Variants in CFTR observed in about 807,000 individuals in gnomAD.
CFTR encodes the protein cystic fibrosis transmembrane conductance regulator.
In CFTR, 181 loss-of-function variants were observed where a neutral mutation model predicts 171.6. The observed-to-expected ratio is 1.05, with a 90% CI of 0.93 to 1.19. CFTR has a LOEUF of 1.19. CFTR is among the 50% of genes most tolerant of loss of function. The pLI is 0.00. For synonymous variants in CFTR, 583 were observed against 608.0 expected (o/e 0.96, Z 0.60); for missense variants, 1,968 against 1,734.7 (o/e 1.13, Z -2.39).
intron 1 of CFTR, among the ~76,000 whole-genome samples, chr7:117,485,790 A>T (rs1798065484): frequency 6.6e-6 from 1 of 152,102 alleles, no homozygotes; most frequent in African/African-American, 2.4e-5. Flanking sequence ...TTATCTTTTG[A>T]CATAAATTAT....
chr7:117,552,023 T>G (rs1428906281), intron 10 of CFTR, among the ~76,000 whole-genome samples: 3 of 152,208 alleles, frequency 2.0e-5, no homozygotes, highest in Non-Finnish European at 4.4e-5. Flanking sequence ...TTTATCAATA[T>G]TTTGGAATTT....
chr7:117,603,024 G>A (rs926040809), intron 16 of CFTR, among the ~76,000 whole-genome samples, 161 bp downstream of exon 16: 1 of 152,198 alleles, frequency 6.6e-6, no homozygotes, highest in Non-Finnish European at 1.5e-5. Context: ...ATGACCATTA[G>A]TTGGGTGAGG....
At chr7:117,600,346 G>T (rs1199376418) in intron 15 of CFTR, among the ~76,000 whole-genome samples, 2 of 152,002 alleles carry the variant, frequency 1.3e-5, no homozygotes, top group Non-Finnish European at 2.9e-5. Flanking sequence ...AGATGGAGAA[G>T]AAATGAAAAT....
intron 11 of CFTR, among the ~76,000 whole-genome samples, chr7:117,582,842 T>A (rs533423241): frequency 3.3e-5 from 5 of 152,318 alleles, no homozygotes; most frequent in African/African-American, 9.6e-5. Flanking sequence ...TGAAGAATGA[T>A]AAGACTAAAA....
At chr7:117,501,776 C>CAAAAAAAAAAAAAAAAAAAAAAGAAAA (rs796991857) in intron 1 of CFTR, among the ~76,000 whole-genome samples, 5 of 84,298 alleles carry the variant, frequency 5.9e-5, no homozygotes, top group Non-Finnish European at 1.4e-4. Context: ...AAAAAAGAAA[C>CAAAAAAAAAAAAAAAAAAAAAAGAAAA]AAAAAAAAAA....
intron 22 of CFTR, among the ~76,000 whole-genome samples, chr7:117,630,399 G>A (rs535350730): frequency 6.6e-6 from 1 of 152,140 alleles, no homozygotes; most frequent in African/African-American, 2.4e-5. Context: ...GAACTGAGCT[G>A]TGTATTTGAA....
chr7:117,531,635 C>T (rs371193544), intron 4 of CFTR, among the ~76,000 whole-genome samples: 1 of 152,166 alleles, frequency 6.6e-6, no homozygotes. Context: ...TGGAACAGCA[C>T]GTGCATTGAA....
intron 11 of CFTR, among the ~76,000 whole-genome samples, chr7:117,575,779 A>G (rs2115985282): frequency 6.6e-6 from 1 of 152,192 alleles, no homozygotes; most frequent in Non-Finnish European, 1.5e-5. Flanking sequence ...TTCCTTTTAT[A>G]CAAATATTTC....
intron 3 of CFTR, among the ~76,000 whole-genome samples, chr7:117,526,113 A>G (rs1249909461): frequency 6.6e-6 from 1 of 151,718 alleles, no homozygotes; most frequent in Non-Finnish European, 1.5e-5. Context: ...GCTTGTCTAT[A>G]AAGTATTTTA....
intron 21 of CFTR, among the ~76,000 whole-genome samples, chr7:117,625,469 C>T (rs1792637188): frequency 6.6e-6 from 1 of 152,052 alleles, no homozygotes; most frequent in South Asian, 2.1e-4. Context: ...TTTGAAAGTC[C>T]TTATTTTCTA....
At chr7:117,664,201 A>G (rs1422820644) in intron 24 of CFTR, among the ~76,000 whole-genome samples, 2 of 152,202 alleles carry the variant, frequency 1.3e-5, no homozygotes, top group African/African-American at 2.4e-5. Flanking sequence ...ACAGAGTAGA[A>G]GATGGGAGGT....
intron 23 of CFTR, among the ~76,000 whole-genome samples, chr7:117,651,677 G>A (rs151209008): frequency 6.6e-6 from 1 of 152,152 alleles, no homozygotes; most frequent in African/African-American, 2.4e-5. Context: ...TCTCTAGAGA[G>A]TTTCTGAGAC....
At chr7:117,493,557 C>A (rs187540986) in intron 1 of CFTR, among the ~76,000 whole-genome samples, 1 of 152,084 alleles carries the variant, frequency 6.6e-6, no homozygotes, top group African/African-American at 2.4e-5. Flanking sequence ...CTCTCTCAAG[C>A]TTTGCTATTG....
chr7:117,615,867 G>GT (rs1204958192), intron 21 of CFTR, among the ~76,000 whole-genome samples: 1 of 151,996 alleles, frequency 6.6e-6, no homozygotes, highest in Non-Finnish European at 1.5e-5. Context: ...TTGTACTACT[G>GT]TATTTAAAAT....
chr7:117,661,465 C>T (rs1793280776), intron 24 of CFTR, among the ~76,000 whole-genome samples: 1 of 152,228 alleles, frequency 6.6e-6, no homozygotes, highest in Non-Finnish European at 1.5e-5. Flanking sequence ...AGTCAAATAG[C>T]TTTCCTAGTA....
chr7:117,480,246 T>TA, intron 1 of CFTR, 99 bp downstream of exon 1: 1 of 1,015,702 alleles, frequency 9.8e-7, no homozygotes, highest in Non-Finnish European at 1.6e-6. Context: ...AAGCAGTTTT[T>TA]AAAAAGATGC....
chr7:117,515,787 C>T (rs184939683), intron 3 of CFTR, among the ~76,000 whole-genome samples: 87 of 152,004 alleles, frequency 5.7e-4, no homozygotes, highest in Non-Finnish European at 8.1e-4. Flanking sequence ...TCCGTAAGGA[C>T]GACACTTTTT....
chr7:117,648,024 GTA>G (rs572438965), intron 23 of CFTR, among the ~76,000 whole-genome samples: 7 of 145,518 alleles, frequency 4.8e-5, no homozygotes, highest in South Asian at 2.2e-4. Flanking sequence ...GTGTGTGTGT[GTA>G]TATATATATA....
Position 117,509,100 on chromosome 7 carries a change from T to C in CFTR, c.231T>C (p.Phe77=), listed in dbSNP as rs2116641592. 1.9e-6 allele frequency: 3 copies of C among 1,611,642 alleles called. No individual in the cohort carries two copies. The highest frequency in any genetic ancestry group is 2.5e-6 in the Non-Finnish European group (3 of 1,177,986). The change falls in exon 3 of 27, where the codon TTT becomes TTC. Residue 77 remains phenylalanine (F), a synonymous_variant. Transcript: ENST00000003084. ...PKLINALRRC[F]FWRFMFYGIF... ...TCATTAATGCCCTTCGGCGATGTTTTTTCTGGAGATTTATGTTCTATGGAA... is the reference window on the plus strand; with the variant it reads ...TCATTAATGCCCTTCGGCGATGTTTCTTCTGGAGATTTATGTTCTATGGAA...
Sources: allele counts gnomAD v4.1 joint callset (sites outside exome capture counted in the v4.1 genomes callset), GRCh38; gene constraint gnomAD v4.1.1; transcripts MANE v1.5; gene names NCBI Gene and HGNC (gene_info 2026-07-23, HGNC 2026-07-21).